The following TTC3 variants were observed in gnomAD, a reference collection of about 807,000 sequenced individuals.
TTC3 encodes tetratricopeptide repeat domain 3, also known as E3 ubiquitin-protein ligase TTC3.
In TTC3, 180 loss-of-function variants were observed where a neutral mutation model predicts 249.6. The ratio of observed to expected loss-of-function variants is 0.72; its 90% confidence interval spans 0.64 to 0.82. TTC3 has a LOEUF of 0.82. TTC3 is among the 40% of genes least tolerant of loss of function. The pLI is 0.00. For missense variants in TTC3, 2,061 were observed against 2,398.4 expected (o/e 0.86, Z 2.94); for synonymous variants, 717 against 805.0 (o/e 0.89, Z 1.85).
At chr21:37,115,418 G>A (rs2147838332) in intron 11 of TTC3, among the ~76,000 whole-genome samples, 2 of 152,234 alleles carry the variant, frequency 1.3e-5, no homozygotes, top group East Asian at 3.9e-4. Context: ...GGAAGCCCCA[G>A]TAAACTGGTG....
intron 17 of TTC3, among the ~76,000 whole-genome samples, chr21:37,133,143 A>C (rs2077617913): frequency 6.6e-6 from 1 of 152,362 alleles, no homozygotes; most frequent in East Asian, 1.9e-4. Context: ...AAGAGTTAAC[A>C]GTAGTATTAA....
chr21:37,111,117 C>A (rs1301028813), intron 11 of TTC3, among the ~76,000 whole-genome samples: 2 of 152,116 alleles, frequency 1.3e-5, no homozygotes, highest in Admixed American at 6.5e-5. Flanking sequence ...TTTGTAAAGA[C>A]CATCAAGGCT....
chr21:37,097,891 G>T (rs1281797961), intron 10 of TTC3: 3 of 699,478 alleles, frequency 4.3e-6, no homozygotes, highest in African/African-American at 3.6e-5. Flanking sequence ...AACATTTATT[G>T]TGTTTTTCTT....
At chr21:37,143,686 G>A (rs1403360294) in intron 20 of TTC3, among the ~76,000 whole-genome samples, 5 of 151,162 alleles carry the variant, frequency 3.3e-5, no homozygotes, top group Admixed American at 2.6e-4. Context: ...TCAGTGTGGC[G>A]ATTCCTCAGG....
chr21:37,112,682 C>T (rs1225395295), intron 11 of TTC3, among the ~76,000 whole-genome samples: 1 of 152,126 alleles, frequency 6.6e-6, no homozygotes, highest in African/African-American at 2.4e-5. Context: ...TCCTCCCTAA[C>T]TCATTTTATG....
chr21:37,091,696 C>T (rs1286837097), intron 7 of TTC3: 1 of 157,856 alleles, frequency 6.3e-6, no homozygotes, highest in African/African-American at 2.4e-5. Context: ...ATTCTCCTGC[C>T]TCAGCCTCCC....
At chr21:37,145,894 C>G (rs1013634492) in intron 21 of TTC3, among the ~76,000 whole-genome samples, 1 of 152,158 alleles carries the variant, frequency 6.6e-6, no homozygotes, top group Non-Finnish European at 1.5e-5. Context: ...AGAGATTCGT[C>G]GCCATGACTC....
rs527361370 is a variant in TTC3 at position 37,082,830 on chromosome 21, G to A, written c.-11-4417G>A. The A allele has an allele frequency of 4.1e-4, 398 of 966,780 alleles. 3 individuals carry two copies. The African/African-American group carries it at 5.4e-3, about 13-fold the overall frequency. 59.9% of individuals were successfully genotyped at this position (966,780 alleles called of 1,614,324 possible). ...CTCTTTATTTTAATATTTAATTTTAGTAGTATATTTTTGTTTGATTGTATT... is the reference window on the plus strand; with the variant it reads ...CTCTTTATTTTAATATTTAATTTTAATAGTATATTTTTGTTTGATTGTATT... On this transcript the variant is annotated intron_variant, in intron 1 of 45. Coordinates refer to ENST00000355666, the Ensembl canonical transcript of TTC3.
chr21:37,084,617 C>T (rs2072159671), intron 1 of TTC3, among the ~76,000 whole-genome samples: 1 of 152,198 alleles, frequency 6.6e-6, no homozygotes, highest in Admixed American at 6.5e-5. Flanking sequence ...CCCAAGGAAA[C>T]AAGAGAGCCA....
exon 35 of TTC3, chr21:37,172,671 A>C (rs1324571920): frequency 1.7e-5 from 27 of 1,613,980 alleles, no homozygotes; most frequent in Non-Finnish European, 2.3e-5. Flanking sequence ...AATTATGAGC[A>C]GATAAAACTT....
rs142862490 is a variant in TTC3 at position 37,192,036 on chromosome 21, C to T, written c.5116-76C>T. ...TTTCCTTACCAAGACAGTTATGTTTCATTTATAATGTGTAGGAAGAAACAA... is the reference window on the plus strand; with the variant it reads ...TTTCCTTACCAAGACAGTTATGTTTTATTTATAATGTGTAGGAAGAAACAA... On this transcript the variant is annotated intron_variant, in intron 40 of 45. Coordinates refer to ENST00000355666, the Ensembl canonical transcript of TTC3. 5 of 897,250 alleles carry T rather than the reference C, an allele frequency of 5.6e-6. No homozygotes were observed. The African/African-American group carries it at 6.8e-5, about 12-fold the overall frequency. The allele number at this position is 897,250 out of a possible 1,614,324, so 55.6% of individuals were successfully genotyped here. A position where few individuals can be genotyped will look rare whatever the true frequency, so the allele number is the denominator to read the frequency against.
chr21:37,082,519 C>CT, intron 1 of TTC3: 1 of 985,362 alleles, frequency 1.0e-6, no homozygotes, highest in Non-Finnish European at 1.2e-6. Context: ...GCTGGCATCA[C>CT]TTTTGAGTTC....
intron 36 of TTC3, among the ~76,000 whole-genome samples, chr21:37,183,189 A>G (rs1435577533): frequency 6.6e-6 from 1 of 152,218 alleles, no homozygotes; most frequent in African/African-American, 2.4e-5. Context: ...TCCAGTTTGA[A>G]CACCATCCCT....
intron 28 of TTC3, 95 bp from the exon 29 acceptor site, chr21:37,159,604 G>A (rs2080481251): frequency 4.4e-6 from 6 of 1,355,440 alleles, no homozygotes; most frequent in Non-Finnish European, 6.1e-6. Flanking sequence ...CATGGCCTAT[G>A]CCAGTAGTAT....
chr21:37,134,641 T>C (rs1446269476), intron 17 of TTC3, among the ~76,000 whole-genome samples: 2 of 152,188 alleles, frequency 1.3e-5, no homozygotes, highest in Non-Finnish European at 2.9e-5. Context: ...GATTTTAGGC[T>C]TAATGTCTAG....
chr21:37,096,675 T>C, intron 10 of TTC3, 32 bp downstream of exon 10: 1 of 1,526,500 alleles, frequency 6.6e-7, no homozygotes, highest in South Asian at 1.2e-5. Flanking sequence ...AACCACTGAA[T>C]TATTATGCTA....
intron 17 of TTC3, among the ~76,000 whole-genome samples, chr21:37,134,902 TA>T (rs1346227355): frequency 6.6e-6 from 1 of 152,210 alleles, no homozygotes; most frequent in African/African-American, 2.4e-5. Flanking sequence ...AGTTAACAAT[TA>T]CAGTATTTAT....
intron 8 of TTC3, among the ~76,000 whole-genome samples, chr21:37,095,137 A>ATGTGTGTGTGTGTG (rs57682889): frequency 0.15 from 22,046 of 147,180 alleles, 2,067 homozygotes; most frequent in South Asian, 0.23. Flanking sequence ...CTCTAAAAAT[A>ATGTGTGTGTGTGTG]TGTGTGTGTG....
chr21:37,190,873 G>GT (rs574397465), intron 39 of TTC3, among the ~76,000 whole-genome samples: 28 of 152,220 alleles, frequency 1.8e-4, no homozygotes, highest in Non-Finnish European at 3.7e-4. Flanking sequence ...GATTCATGAG[G>GT]TGCTGAGATT....
Sources: gnomAD v4.1 joint callset for allele counts (sites outside exome capture counted in the v4.1 genomes callset) on GRCh38, gnomAD v4.1.1 for gene constraint, MANE v1.5 for transcripts, NCBI Gene and HGNC (gene_info 2026-07-23, HGNC 2026-07-21) for gene names.